Variants in KIAA1217 observed in about 807,000 individuals in gnomAD.
The protein encoded by KIAA1217 is sickle tail protein homolog.
In KIAA1217, 88 loss-of-function variants were observed where a neutral mutation model predicts 163.9. That is an observed-to-expected ratio of 0.54 (90% confidence interval 0.45 to 0.64). The LOEUF is 0.64. Ranked by LOEUF, KIAA1217 falls within the 30% of genes least tolerant of loss-of-function variation. The pLI is 0.00. For missense variants in KIAA1217, 2,372 were observed against 2,475.0 expected (o/e 0.96, Z 0.88); for synonymous variants, 903 against 923.1 (o/e 0.98, Z 0.39).
intron 1 of KIAA1217, among the ~76,000 whole-genome samples, chr10:23,697,306 C>T (rs1197824773): frequency 3.9e-5 from 6 of 152,256 alleles, no homozygotes; most frequent in Non-Finnish European, 7.4e-5. Flanking sequence ...TATTTTGCTA[C>T]TAATGTATGA....
intron 2 of KIAA1217, among the ~76,000 whole-genome samples, chr10:24,370,681 C>G (rs1483376528): frequency 6.6e-6 from 1 of 152,140 alleles, no homozygotes; most frequent in Non-Finnish European, 1.5e-5. Flanking sequence ...CTGCCAGGTT[C>G]AAGGGATCCT....
intron 2 of KIAA1217, among the ~76,000 whole-genome samples, chr10:24,258,957 T>G (rs2075449942): frequency 3.3e-5 from 5 of 152,104 alleles, no homozygotes. Context: ...GTGATCACTA[T>G]TTCCAGCAAG....
intron 2 of KIAA1217, among the ~76,000 whole-genome samples, chr10:24,114,455 A>AC (rs905451642): frequency 1.2e-4 from 18 of 151,796 alleles, no homozygotes; most frequent in Admixed American, 2.0e-4. Flanking sequence ...TCACTTACAG[A>AC]CCCCCCCTGT....
At chr10:24,403,636 A>G (rs1564621145) in intron 3 of KIAA1217, among the ~76,000 whole-genome samples, 1 of 152,236 alleles carries the variant, frequency 6.6e-6, no homozygotes, top group Admixed American at 6.5e-5. Flanking sequence ...ATATATAAAG[A>G]ACTCTTAAAA....
At chr10:24,407,123 C>A (rs2057298864) in intron 3 of KIAA1217, among the ~76,000 whole-genome samples, 1 of 152,202 alleles carries the variant, frequency 6.6e-6, no homozygotes, top group Non-Finnish European at 1.5e-5. Flanking sequence ...AATCCTGACA[C>A]ATTTCCCAAG....
intron 1 of KIAA1217, among the ~76,000 whole-genome samples, chr10:23,728,087 G>C (rs973110212): frequency 2.0e-5 from 3 of 152,120 alleles, no homozygotes; most frequent in Non-Finnish European, 4.4e-5. Flanking sequence ...CTGCTATTGT[G>C]AATAATGCTG....
At chr10:24,201,240 C>T (rs2067241100) in intron 2 of KIAA1217, among the ~76,000 whole-genome samples, 1 of 152,100 alleles carries the variant, frequency 6.6e-6, no homozygotes, top group Admixed American at 6.6e-5. Context: ...GACTGTGCTC[C>T]AGCTTGGGTG....
rs1230103771 is a variant in KIAA1217, at chr10:24,524,583, C to A, written c.2717C>A (p.Pro906His). 5.0e-5 allele frequency: 81 copies of A among 1,613,996 alleles called. 1 individual carries two copies. In the Admixed American group the frequency reaches 1.3e-3, roughly 27 times the overall value. The change falls in exon 13 of 21, where the codon CCT (proline) becomes CAT (histidine). Residue 906 changes from proline (P) to histidine (H), a missense_variant. By Grantham distance (77) the Pro-to-His change is moderately conservative. Transcript: ENST00000376454. ...PSQHSVALLN[P>H]AQNLPHVASS... The stretch of plus-strand genomic sequence containing the variant: ...CAGCACTCCGTGGCCCTGCTGAACC[C>A]TGCTCAGAACTTGCCTCACGTGGCC...
chr10:23,736,673 C>T (rs978638831), intron 1 of KIAA1217, among the ~76,000 whole-genome samples: 5 of 152,230 alleles, frequency 3.3e-5, no homozygotes, highest in African/African-American at 9.6e-5. Flanking sequence ...CAGGGACATA[C>T]CACCATGCCT....
upstream of KIAA1217, chr10:24,208,920 C>T (rs370077625): frequency 2.7e-3 from 1,096 of 406,928 alleles, 28 homozygotes; most frequent in South Asian, 0.028. Context: ...CCCCCAGTCC[C>T]CGGAGAGCGC....
intron 9 of KIAA1217, among the ~76,000 whole-genome samples, chr10:24,511,610 G>A (rs570624975): frequency 1.1e-3 from 165 of 152,218 alleles, no homozygotes; most frequent in South Asian, 3.1e-3. Context: ...TCGTGCCATT[G>A]CACTCCAGCC....
At chr10:24,352,643 G>A (rs984465581) in intron 2 of KIAA1217, among the ~76,000 whole-genome samples, 3 of 152,112 alleles carry the variant, frequency 2.0e-5, no homozygotes, top group African/African-American at 4.8e-5. Flanking sequence ...GTTCCCAGAG[G>A]CAAAGGCACT....
intron 6 of KIAA1217, among the ~76,000 whole-genome samples, chr10:24,479,422 A>T (rs1038688674): frequency 6.6e-6 from 1 of 152,216 alleles, no homozygotes; most frequent in Non-Finnish European, 1.5e-5. Context: ...TGATGGGAAA[A>T]GAAGGATTAC....
At chr10:24,307,310 A>C (rs1348048160) in intron 2 of KIAA1217, among the ~76,000 whole-genome samples, 1 of 152,198 alleles carries the variant, frequency 6.6e-6, no homozygotes, top group African/African-American at 2.4e-5. Context: ...TGAGCAGAGA[A>C]GGACTGATAG....
intron 3 of KIAA1217, among the ~76,000 whole-genome samples, chr10:24,384,727 C>T (rs1369258015): frequency 1.3e-5 from 2 of 152,156 alleles, no homozygotes; most frequent in Admixed American, 6.5e-5. Context: ...TAGTAGAGAC[C>T]AGGTTTCACC....
At chr10:24,293,878 A>G (rs1164075205) in intron 2 of KIAA1217, among the ~76,000 whole-genome samples, 2 of 152,176 alleles carry the variant, frequency 1.3e-5, no homozygotes, top group Non-Finnish European at 2.9e-5. Context: ...TCCTGGCATG[A>G]AGGTCTCCGA....
intron 1 of KIAA1217, among the ~76,000 whole-genome samples, chr10:23,769,781 G>A (rs543087698): frequency 6.6e-6 from 1 of 152,236 alleles, no homozygotes; most frequent in South Asian, 2.1e-4. Flanking sequence ...GACCAAATAG[G>A]TGAGACAGAA....
At chr10:24,397,680 C>CTCT (rs2055990742) in intron 3 of KIAA1217, among the ~76,000 whole-genome samples, 1 of 152,176 alleles carries the variant, frequency 6.6e-6, no homozygotes, top group Admixed American at 6.5e-5. Context: ...GGGGGAAGGT[C>CTCT]TCTTATGAGA....
At chr10:23,804,873 T>C (rs980393571) in intron 1 of KIAA1217, among the ~76,000 whole-genome samples, 1 of 152,124 alleles carries the variant, frequency 6.6e-6, no homozygotes, top group African/African-American at 2.4e-5. Flanking sequence ...TACTGGTCCC[T>C]GGGAGAGGAC....
Sources: allele counts gnomAD v4.1 joint callset (sites outside exome capture counted in the v4.1 genomes callset), GRCh38; gene constraint gnomAD v4.1.1; transcripts MANE v1.5; gene names NCBI Gene and HGNC (gene_info 2026-07-23, HGNC 2026-07-21).